The following PAK3 variants were observed in gnomAD, a reference collection of about 807,000 sequenced individuals.
PAK3 encodes p21 (RAC1) activated kinase 3, also known as serine/threonine-protein kinase PAK 3.
PAK3 carries 4 observed loss-of-function variants against 41.0 expected under a neutral mutation model. The observed-to-expected ratio is 0.10, with a 90% CI of 0.05 to 0.22. The LOEUF is 0.22. Ranked by LOEUF, PAK3 falls within the 10% of genes least tolerant of loss-of-function variation. The pLI, the probability that PAK3 is intolerant of heterozygous loss-of-function variation, is 1.00. For missense variants in PAK3, 205 were observed against 409.9 expected (o/e 0.50, Z 4.32); for synonymous variants, 146 against 139.6 (o/e 1.05, Z -0.32).
At chrX:111,059,382 G>A (rs1462077569) in intron 1 of PAK3, among the ~76,000 whole-genome samples, 3 of 110,419 alleles carry the variant, frequency 2.7e-5, no homozygotes, top group Non-Finnish European at 5.7e-5. Context: ...ATGTTGTCCT[G>A]GCTGGTCTTG....
intron 5 of PAK3, among the ~76,000 whole-genome samples, chrX:111,133,501 A>G (rs1263844000): frequency 8.9e-6 from 1 of 112,102 alleles, no homozygotes; most frequent in Admixed American, 9.5e-5. Context: ...TTATTTCCCC[A>G]GTTAGATTTC....
chrX:110,963,028 A>G (rs1303669663), intron 1 of PAK3, among the ~76,000 whole-genome samples: 4 of 111,927 alleles, frequency 3.6e-5, no homozygotes, highest in Non-Finnish European at 7.5e-5. Context: ...CCTGTTATAC[A>G]CATGAAATAC....
At chrX:111,142,370 T>C (rs1306805720) in intron 6 of PAK3, among the ~76,000 whole-genome samples, 174 bp downstream of exon 6, 1 of 112,862 alleles carries the variant, frequency 8.9e-6, no homozygotes, top group Non-Finnish European at 1.9e-5. Context: ...GGCAACAGCA[T>C]TGACCAAATT....
chrX:111,156,263 C>T (rs1043619604), intron 8 of PAK3, among the ~76,000 whole-genome samples: 3 of 111,226 alleles, frequency 2.7e-5, no homozygotes, highest in Non-Finnish European at 3.8e-5. Context: ...ACTGATAGGT[C>T]GTGGGTAAAA....
chrX:110,967,995 A>G (rs1229988356), intron 1 of PAK3, among the ~76,000 whole-genome samples: 1 of 112,091 alleles, frequency 8.9e-6, no homozygotes, highest in African/African-American at 3.2e-5. Context: ...TCCCTCCAAC[A>G]TTCCTTACCC....
At position 111,178,487 on chromosome X, in the gene PAK3, A is replaced by C. The variant is rs141376068; in HGVS notation, c.830+5406A>C. 5.1e-3 allele frequency among the ~76,000 whole-genome samples: 575 copies of C among 111,910 alleles called. 3 individuals are homozygous for C. Among genetic ancestry groups the C allele is most frequent in the African/African-American group, 0.018 (556 of 30,891 alleles). On this transcript the variant is annotated intron_variant, in intron 11 of 17. Transcript: ENST00000372007. The stretch of plus-strand genomic sequence containing the variant: ...AGCATCAGTTTTCTCTTTCATAGTA[A>C]GCAGAATGCACGTATCTCATAAGGT...
intron 1 of PAK3, among the ~76,000 whole-genome samples, chrX:111,003,108 T>C (rs906050685): frequency 7.2e-5 from 8 of 110,914 alleles, no homozygotes; most frequent in African/African-American, 2.7e-4. Context: ...GATATCAATA[T>C]GCATGTGGAG....
At chrX:111,059,650 G>A (rs771068806) in intron 1 of PAK3, among the ~76,000 whole-genome samples, 4 of 110,895 alleles carry the variant, frequency 3.6e-5, no homozygotes, top group Non-Finnish European at 7.6e-5. Flanking sequence ...TACAACTCTT[G>A]CACTCCTTTG....
At chrX:111,119,330 C>G (rs1405885997) in intron 4 of PAK3, among the ~76,000 whole-genome samples, 1 of 111,874 alleles carries the variant, frequency 8.9e-6, no homozygotes, top group Non-Finnish European at 1.9e-5. Flanking sequence ...TGAAATCAGT[C>G]TGTGAGCAGA....
intron 10 of PAK3, among the ~76,000 whole-genome samples, chrX:111,171,102 C>G (rs2094333738): frequency 9.0e-6 from 1 of 110,985 alleles, no homozygotes; most frequent in Admixed American, 9.6e-5. Context: ...AAAGCAGAGT[C>G]TATGAGTAGG....
intron 1 of PAK3, among the ~76,000 whole-genome samples, chrX:111,085,276 C>A (rs2148846782): frequency 9.0e-6 from 1 of 111,418 alleles, no homozygotes; most frequent in East Asian, 2.8e-4. Flanking sequence ...AGGGGCTTGG[C>A]TAAACTAGCC....
intron 1 of PAK3, among the ~76,000 whole-genome samples, chrX:110,988,871 G>C (rs1335346759): frequency 8.9e-6 from 1 of 112,129 alleles, no homozygotes; most frequent in Non-Finnish European, 1.9e-5. Flanking sequence ...GGGTTTATGG[G>C]ATGTTTAGCT....
chrX:111,077,607 G>C (rs1357225514), intron 1 of PAK3, among the ~76,000 whole-genome samples: 2 of 111,682 alleles, frequency 1.8e-5, no homozygotes, highest in Admixed American at 9.5e-5. Flanking sequence ...GATATCCACA[G>C]GCAGAAGAAT....
chrX:111,023,550 C>T (rs926983034), intron 1 of PAK3, among the ~76,000 whole-genome samples: 9 of 111,995 alleles, frequency 8.0e-5, no homozygotes, highest in Non-Finnish European at 1.5e-4. Flanking sequence ...CTCTCCAGCA[C>T]CTGTTGTTTC....
chrX:111,209,437 T>C (rs1380084866), intron 16 of PAK3, among the ~76,000 whole-genome samples: 2 of 112,429 alleles, frequency 1.8e-5, no homozygotes, highest in Non-Finnish European at 3.8e-5. Flanking sequence ...ATTAATACTT[T>C]CCATGGATAT....
chrX:111,071,267 T>C (rs1471197681), intron 1 of PAK3, among the ~76,000 whole-genome samples: 1 of 111,928 alleles, frequency 8.9e-6, no homozygotes, highest in Non-Finnish European at 1.9e-5. Context: ...TAAGGCCATA[T>C]TTGGTCTTTG....
At chrX:111,177,380 A>G (rs1569444810) in intron 11 of PAK3, among the ~76,000 whole-genome samples, 2 of 112,186 alleles carry the variant, frequency 1.8e-5, no homozygotes, top group African/African-American at 3.2e-5. Flanking sequence ...ATTGGGCTCC[A>G]TCTTCCATAA....
rs1225303104 is a variant in PAK3, at chrX:111,224,074, G to A, written c.*3627G>A. ...TCTGGCCAGAGCGCAGAGCATGCAG[G>A]GCAGAGATATTTGCTAGTTACAATT... On this transcript the variant is annotated 3_prime_UTR_variant, in exon 18 of 18. Coordinates refer to ENST00000372007, the MANE Select transcript of PAK3 (RefSeq NM_002578.5). The A allele has an allele frequency of 1.8e-5, 2 of 111,992 alleles. No homozygotes were observed. The highest frequency in any genetic ancestry group is 3.8e-5 in the Non-Finnish European group (2 of 53,183). The allele number at this position is 111,992 out of a possible 1,213,427, so 9.2% of individuals were successfully genotyped here.
chrX:111,194,442 C>A, intron 14 of PAK3, 24 bp downstream of exon 14: 1 of 791,179 alleles, frequency 1.3e-6, no homozygotes, highest in Non-Finnish European at 2.0e-6. Context: ...GCATTTCTAG[C>A]TGAGAAGACC....
Sources: allele counts gnomAD v4.1 joint callset (sites outside exome capture counted in the v4.1 genomes callset), GRCh38; gene constraint gnomAD v4.1.1; transcripts MANE v1.5; gene names NCBI Gene and HGNC (gene_info 2026-07-23, HGNC 2026-07-21).